The following CSMD1 variants were observed in gnomAD, a reference collection of about 807,000 sequenced individuals.
CSMD1 encodes CUB and Sushi multiple domains 1, also known as CUB and sushi domain-containing protein 1.
Under a neutral mutation model 417.5 loss-of-function variants are expected in CSMD1, and 213 were observed. That is an observed-to-expected ratio of 0.51 (90% CI 0.46 to 0.57). The LOEUF (loss-of-function observed/expected upper bound fraction) is 0.57. Among genes scored for constraint, CSMD1 ranks in the 20% least tolerant of loss-of-function variants. The pLI is 0.00. For synonymous variants in CSMD1, 2,862 were observed against 1,736.8 expected (o/e 1.65, Z -16.11); for missense variants, 6,923 against 4,529.7 (o/e 1.53, Z -15.17).
At chr8:3,580,231 C>T (rs1800325039) in intron 9 of CSMD1, among the ~76,000 whole-genome samples, 1 of 152,116 alleles carries the variant, frequency 6.6e-6, no homozygotes, top group Admixed American at 6.6e-5. Context: ...AACTAACAAA[C>T]ACATGGACAT....
chr8:3,973,259 G>A (rs922737511), intron 5 of CSMD1, among the ~76,000 whole-genome samples: 41 of 152,144 alleles, frequency 2.7e-4, no homozygotes, highest in African/African-American at 9.4e-4. Context: ...GAGAGCTATG[G>A]CTTGGTCATG....
intron 12 of CSMD1, among the ~76,000 whole-genome samples, chr8:3,438,030 G>C (rs1017134741): frequency 1.3e-5 from 2 of 152,074 alleles, no homozygotes; most frequent in African/African-American, 4.8e-5. Context: ...CTAAAATAGA[G>C]GTTTTTGTAC....
At chr8:3,446,031 T>A (rs767775852) in intron 12 of CSMD1, among the ~76,000 whole-genome samples, 3 of 152,094 alleles carry the variant, frequency 2.0e-5, no homozygotes, top group Non-Finnish European at 4.4e-5. Context: ...CGGGCCCGGA[T>A]TGATAATTAC....
chr8:3,984,641 G>T (rs574598093), intron 5 of CSMD1, among the ~76,000 whole-genome samples: 3 of 145,658 alleles, frequency 2.1e-5, no homozygotes, highest in African/African-American at 7.6e-5. Flanking sequence ...AAAATGCCAA[G>T]GCTTGTTACT....
intron 5 of CSMD1, among the ~76,000 whole-genome samples, chr8:3,897,766 T>C (rs983086550): frequency 3.3e-5 from 5 of 152,184 alleles, no homozygotes; most frequent in South Asian, 2.1e-4. Flanking sequence ...TTCTGTGATA[T>C]CATTTGCTTT....
intron 9 of CSMD1, among the ~76,000 whole-genome samples, chr8:3,581,123 T>C (rs577001267): frequency 6.6e-6 from 1 of 152,162 alleles, no homozygotes; most frequent in Non-Finnish European, 1.5e-5. Context: ...ATTAAAGAAG[T>C]TCTCTACATA....
intron 5 of CSMD1, among the ~76,000 whole-genome samples, chr8:3,774,712 G>C (rs112248138): frequency 4.6e-5 from 7 of 152,054 alleles, no homozygotes; most frequent in Non-Finnish European, 8.8e-5. Flanking sequence ...ATAACTTCAC[G>C]ATTTCTGCTC....
At chr8:3,206,634 C>CTG (rs1050002156) in intron 30 of CSMD1, among the ~76,000 whole-genome samples, 4 of 93,062 alleles carry the variant, frequency 4.3e-5, no homozygotes, top group African/African-American at 1.3e-4. Context: ...GGGGTTATGT[C>CTG]TGTGTGTGTG....
In CSMD1 at chr8:3,099,329, C is replaced by T. The variant is rs569383838; in HGVS notation, c.6950-2292G>A. On this transcript the variant is annotated intron_variant, in intron 46 of 69. Transcript: ENST00000635120. ...GATAATATATGGCAAAGTTAACCAA[C>T]AAACAACCCCAGGGTCCCTCTCCCC... Among the ~76,000 whole-genome samples, 171 of 152,226 alleles carry T rather than the reference C, an allele frequency of 1.1e-3. 1 individual carries two copies. The highest frequency in any genetic ancestry group is 2.0e-3 in the Non-Finnish European group (133 of 68,004).
chr8:4,509,115 T>C (rs1027619536), intron 2 of CSMD1, among the ~76,000 whole-genome samples: 4 of 152,118 alleles, frequency 2.6e-5, no homozygotes, highest in African/African-American at 4.8e-5. Context: ...ATACTTGGAA[T>C]GATAAATGAA....
At chr8:4,702,912 G>C (rs1024213311) in intron 1 of CSMD1, among the ~76,000 whole-genome samples, 7 of 152,098 alleles carry the variant, frequency 4.6e-5, no homozygotes, top group African/African-American at 1.7e-4. Flanking sequence ...TTTCATCATA[G>C]ACTGTAGACT....
chr8:3,261,771 C>T (rs76951380), intron 26 of CSMD1, among the ~76,000 whole-genome samples: 2,352 of 152,156 alleles, frequency 0.015, 64 homozygotes, highest in African/African-American at 0.054. Context: ...TGCCTGATTC[C>T]CTCCACAGCA....
rs529898486 is a variant in CSMD1, at chr8:3,403,771, G to A, written c.2266+2256C>T. Among the ~76,000 whole-genome samples, 6 of 152,226 alleles carry A rather than the reference G, an allele frequency of 3.9e-5. No homozygotes were observed. In the South Asian group the frequency reaches 1.2e-3, roughly 32 times the overall value. On this transcript the variant is annotated intron_variant, in intron 15 of 69. Transcript: ENST00000635120. ...ACGATTTGCACCTGTGACTAACTGT[G>A]CCCTATCATTAGTATCATATCTTTG...
chr8:4,303,994 C>T (rs770985704), intron 3 of CSMD1, among the ~76,000 whole-genome samples: 1 of 152,138 alleles, frequency 6.6e-6, no homozygotes, highest in Admixed American at 6.6e-5. Flanking sequence ...AGAACCTGAA[C>T]ATGATGTCTA....
chr8:3,746,050 T>C (rs1466445253), intron 6 of CSMD1, among the ~76,000 whole-genome samples: 2 of 152,070 alleles, frequency 1.3e-5, no homozygotes, highest in Non-Finnish European at 2.9e-5. Flanking sequence ...AGCACACCGC[T>C]ACCTACAAGA....
chr8:4,421,109 C>T (rs1266212500), intron 2 of CSMD1, among the ~76,000 whole-genome samples: 1 of 151,926 alleles, frequency 6.6e-6, no homozygotes, highest in East Asian at 1.9e-4. Context: ...ACAGTGCATT[C>T]ACATGAAGGA....
chr8:4,224,896 G>C, intron 3 of CSMD1, among the ~76,000 whole-genome samples: 1 of 40,012 alleles, frequency 2.5e-5, no homozygotes, highest in South Asian at 1.2e-3. Flanking sequence ...GATCATTTGA[G>C]GTCAGGAGTC....
At chr8:4,441,260 GTTTTTTT>G (rs34935169) in intron 2 of CSMD1, among the ~76,000 whole-genome samples, 1 of 67,004 alleles carries the variant, frequency 1.5e-5, no homozygotes, top group African/African-American at 5.9e-5. Context: ...ACTACACTCA[GTTTTTTT>G]TTTTTTTTTT....
At chr8:4,193,615 C>G (rs1003309363) in intron 3 of CSMD1, among the ~76,000 whole-genome samples, 3 of 152,036 alleles carry the variant, frequency 2.0e-5, no homozygotes, top group African/African-American at 7.3e-5. Flanking sequence ...CTCTGAGGAG[C>G]CAATGAGTGT....
Sources: allele counts gnomAD v4.1 joint callset (sites outside exome capture counted in the v4.1 genomes callset), GRCh38; gene constraint gnomAD v4.1.1; transcripts MANE v1.5; gene names NCBI Gene and HGNC (gene_info 2026-07-23, HGNC 2026-07-21).